C1orf167: variants seen among roughly 807,000 people sequenced by gnomAD.
C1orf167 encodes the protein uncharacterized protein C1orf167.
Under a neutral mutation model 176.5 loss-of-function variants are expected in C1orf167, and 153 were observed. The ratio of observed to expected loss-of-function variants is 0.87; its 90% CI spans 0.76 to 0.99. The LOEUF (loss-of-function observed/expected upper bound fraction) is 0.99, where lower values mean the gene tolerates loss of function less well. C1orf167 is among the 50% of genes least tolerant of loss of function. The pLI is 0.00. For synonymous variants in C1orf167, 594 were observed against 752.7 expected (o/e 0.79, Z 3.45); for missense variants, 1,490 against 1,817.7 (o/e 0.82, Z 3.28).
intron 16 of C1orf167, chr1:11,786,015 G>A (rs1557745872): frequency 7.0e-6 from 1 of 142,732 alleles, no homozygotes; most frequent in Non-Finnish European, 1.5e-5. Context: ...TTACAGGTGT[G>A]AGCCACCGCG....
Position 11,771,648 on chromosome 1 carries a change from G to T in C1orf167, c.1810+12G>T. 1 of 1,288,532 alleles carries T rather than the reference G, an allele frequency of 7.8e-7. No individual in the cohort carries two copies. The highest frequency in any genetic ancestry group is 1.0e-6 in the Non-Finnish European group (1 of 987,722). 79.8% of individuals were successfully genotyped at this position (1,288,532 alleles called of 1,614,324 possible). ...CCTGCAACTGGCTGGTGAGACGTGG[G>T]GTGCTGGGAAAGCGGGGAGATGGAG... On this transcript the variant is annotated intron_variant, in intron 7 of 20. Transcript: ENST00000688073.
At chr1:11,788,896 C>T (rs1643990657) in intron 20 of C1orf167, 150 bp downstream of exon 20, 2 of 521,038 alleles carry the variant, frequency 3.8e-6, no homozygotes, top group South Asian at 3.6e-5. Flanking sequence ...AGTTCCATTA[C>T]AGAACACACA....
intron 20 of C1orf167, 62 bp downstream of exon 20, chr1:11,788,808 T>C: frequency 5.5e-6 from 7 of 1,283,508 alleles, no homozygotes; most frequent in Non-Finnish European, 7.2e-6. Flanking sequence ...CTTCCAGAAG[T>C]CTGTGCCACA....
rs753706728 is a variant in C1orf167 at position 11,787,485 on chromosome 1, G to C, written c.3665G>C (p.Trp1222Ser). ...CGGAGGAAGCCAAGGGGAACGGCCT[G>C]GGCTCAGAGTAAGGAGACCTTGCCC... is the stretch of plus-strand genomic sequence containing the variant. ...GGRRKPRGTAWAQRCREHSLC... is the reference protein window; with the variant it reads ...GGRRKPRGTASAQRCREHSLC... Residue 1222 changes from tryptophan to serine, a missense_variant, in exon 17 of 21, where the codon TGG (tryptophan) becomes TCG (serine). Trp to Ser is a radical substitution (Grantham distance 177, BLOSUM62 -3). Transcript: ENST00000688073. 1 of 1,302,146 alleles carries C rather than the reference G, an allele frequency of 7.7e-7. No individual in the cohort carries two copies. The highest frequency in any genetic ancestry group is 1.0e-6 in the Non-Finnish European group (1 of 988,334). The allele number at this position is 1,302,146 out of a possible 1,614,324, so 80.7% of individuals were successfully genotyped here.
rs1320271516 is a variant in C1orf167 at position 11,771,560 on chromosome 1, G to T, written c.1734G>T (p.Arg578=). ...GSLREEEIAQ[R]LLSHPRQRTD... ...TGAGGGAGGAGGAGATTGCTCAGCG[G>T]CTTCTGTCACATCCTAGGCAGAGAA... Residue 578 remains arginine (R), a synonymous_variant, in exon 7 of 21, where the codon CGG becomes CGT. Coordinates refer to ENST00000688073, the MANE Select transcript of C1orf167 (RefSeq NM_001010881.2). 2.3e-6 allele frequency: 3 copies of T among 1,289,746 alleles called. No individual in the cohort carries two copies. In the South Asian group the frequency reaches 3.7e-5, roughly 16 times the overall value. The allele number at this position is 1,289,746 out of a possible 1,614,324, so 79.9% of individuals were successfully genotyped here.
rs1643326123 is a variant in C1orf167 at position 11,776,569 on chromosome 1, G to A, written c.2270G>A (p.Cys757Tyr). The change falls in exon 10 of 21, where the codon TGC becomes TAC. Residue 757 changes from cysteine to tyrosine, a missense_variant. Cys to Tyr is a radical substitution (Grantham distance 194). Coordinates refer to ENST00000688073, the MANE Select transcript of C1orf167 (RefSeq NM_001010881.2). The stretch of plus-strand genomic sequence containing the variant: ...GGCCGGGGCTCCCTGCAGGATGCCT[G>A]CTGGACACTGGCCCTCTGCTGGGCG... ...EQGRGSLQDA[C>Y]WTLALCWALL... is the part of the protein sequence containing the mutation. 1 of 1,260,498 alleles carries A rather than the reference G, an allele frequency of 7.9e-7. No homozygotes were observed. Among genetic ancestry groups the A allele is most frequent in the Non-Finnish European group, 1.0e-6 (1 of 968,894 alleles). 78.1% of individuals were successfully genotyped at this position (1,260,498 alleles called of 1,614,324 possible). A position where few individuals can be genotyped will look rare whatever the true frequency, so the allele number is the denominator to read the frequency against.
At chr1:11,770,191 A>AT (rs963877728) in intron 6 of C1orf167, among the ~76,000 whole-genome samples, 2 of 131,596 alleles carry the variant, frequency 1.5e-5, no homozygotes, top group African/African-American at 5.6e-5. Flanking sequence ...TATCCAAAAT[A>AT]TTTTTCCCAA....
At position 11,784,198 on chromosome 1, in the gene C1orf167, T is replaced by G. The variant is rs1174339761; in HGVS notation, c.3030T>G (p.Val1010=). Residue 1010 remains valine, a synonymous_variant, in exon 15 of 21, where the codon GTT becomes GTG. Coordinates refer to ENST00000688073, the MANE Select transcript of C1orf167 (RefSeq NM_001010881.2). ...GCTACTTCCAGGCCTGGTGTGAGGT[T>G]GTAAGAGACACGGGGGTGCTCCGGG... The part of the protein sequence containing the change: ...LQSYFQAWCE[V]VRDTGVLRAQ... The G allele has an allele frequency of 1.0e-5, 13 of 1,254,656 alleles. No homozygotes were observed. Among genetic ancestry groups the G allele is most frequent in the African/African-American group, 1.5e-5 (1 of 64,732 alleles). 77.7% of individuals were successfully genotyped at this position (1,254,656 alleles called of 1,614,324 possible). A position where few individuals can be genotyped will look rare whatever the true frequency, so the allele number is the denominator to read the frequency against.
chr1:11,766,888 A>C lies in C1orf167; in HGVS notation c.1102A>C (p.Arg368=). The change falls in exon 3 of 21, where the codon AGG becomes CGG. Residue 368 remains arginine, a synonymous_variant. Coordinates refer to ENST00000688073, the MANE Select transcript of C1orf167 (RefSeq NM_001010881.2). The surrounding 1 kb of genome is among the most constrained non-coding windows in gnomAD (Gnocchi z 4.5). ...SPWSQDGRAQ[R]GDPSLPRGVG... ...CTGGTCTCAAGATGGCAGGGCACAG[A>C]GGGGTGACCCCAGTCTCCCTCGAGG... 1 of 1,257,914 alleles carries C rather than the reference A, an allele frequency of 7.9e-7. No individual in the cohort carries two copies. Among genetic ancestry groups the C allele is most frequent in the African/African-American group, 1.5e-5 (1 of 65,190 alleles). The allele number at this position is 1,257,914 out of a possible 1,614,324, so 77.9% of individuals were successfully genotyped here.
chr1:11,765,068 A>AAG (rs1642722866), intron 2 of C1orf167, among the ~76,000 whole-genome samples: 2 of 150,656 alleles, frequency 1.3e-5, no homozygotes, highest in South Asian at 2.1e-4. Context: ...AAAAAAAAAA[A>AAG]AAAAAAAAAG....
At position 11,784,455 on chromosome 1, in the gene C1orf167, A is replaced by T. The variant is rs1390041277; in HGVS notation, c.3287A>T (p.His1096Leu). 7.7e-7 allele frequency: 1 copy of T among 1,303,438 alleles called. No individual in the cohort carries two copies. Among genetic ancestry groups the T allele is most frequent in the Admixed American group, 2.3e-5 (1 of 43,574 alleles). The allele number at this position is 1,303,438 out of a possible 1,614,324, so 80.7% of individuals were successfully genotyped here. Residue 1096 changes from histidine to leucine, a missense_variant, in exon 15 of 21, where the codon CAT (histidine) becomes CTT (leucine). His to Leu is a moderately conservative substitution (Grantham distance 99). Transcript: ENST00000688073. ...TGGCCAGTGGCCCCGGGCATGCACC[A>T]TGAGGCCCAGCAGCAGGCAGGAGAG... ...PAWPVAPGMH[H>L]EAQQQAGESA...
Position 11,788,627 on chromosome 1 carries a change from C to T in C1orf167, c.4079-25C>T, listed in dbSNP as rs143100671. The T allele has an allele frequency of 2.5e-3, 3,278 of 1,301,370 alleles. 16 individuals are homozygous for T. The highest frequency in any genetic ancestry group is 7.8e-3 in the South Asian group (629 of 80,984). The allele number at this position is 1,301,370 out of a possible 1,614,324, so 80.6% of individuals were successfully genotyped here. A position where few individuals can be genotyped will look rare whatever the true frequency, so the allele number is the denominator to read the frequency against. On this transcript the variant is annotated intron_variant, in intron 19 of 20. Coordinates refer to ENST00000688073, the MANE Select transcript of C1orf167 (RefSeq NM_001010881.2). ...TGCGGGGGAGCGTGAGCACAAGAGG[C>T]CTTCTCTGCCAACTGTCCCCAAAGC...
intron 17 of C1orf167, 32 bp from the exon 18 acceptor site, chr1:11,787,841 T>G: frequency 8.3e-7 from 1 of 1,201,308 alleles, no homozygotes; most frequent in Non-Finnish European, 1.1e-6. Context: ...TGGACCCACC[T>G]TAACCTCTTG....
intron 15 of C1orf167, 84 bp downstream of exon 15, chr1:11,784,677 T>C: frequency 8.5e-7 from 1 of 1,176,914 alleles, no homozygotes; most frequent in African/African-American, 1.6e-5. Flanking sequence ...TAGAGCGTAA[T>C]TCATGGCTGG....
intron 20 of C1orf167, 90 bp from the exon 21 acceptor site, chr1:11,789,180 G>A: frequency 2.5e-6 from 3 of 1,201,578 alleles, no homozygotes; most frequent in Middle Eastern, 7.2e-4. Context: ...GGGACAAAAG[G>A]AGCTGGGTAC....
intron 15 of C1orf167, 29 bp downstream of exon 15, chr1:11,784,622 A>G (rs1172094357): frequency 1.7e-6 from 2 of 1,208,234 alleles, no homozygotes; most frequent in African/African-American, 1.6e-5. Context: ...GTGCAGCCCC[A>G]CTCTGTGCTT....
rs1358476493 is a variant in C1orf167 at position 11,766,240 on chromosome 1, C to T, written c.454C>T (p.Pro152Ser). ...TGGGCCCCACAAGCTTCCCTGGGGT[C>T]CTCTCCTATCCCAAGAGCCACTGGC... The part of the protein sequence containing the change: ...SSGPHKLPWG[P>S]LLSQEPLARP... Residue 152 changes from proline (P) to serine (S), a missense_variant, in exon 3 of 21, where the codon CCT (proline) becomes TCT (serine). By Grantham distance (74) the Pro-to-Ser change is moderately conservative. Coordinates refer to ENST00000688073, the MANE Select transcript of C1orf167 (RefSeq NM_001010881.2). The surrounding 1 kb of genome is among the most constrained non-coding windows in gnomAD (Gnocchi z 4.5). 1 of 1,289,794 alleles carries T rather than the reference C, an allele frequency of 7.8e-7. No homozygotes were observed. Among genetic ancestry groups the T allele is most frequent in the Non-Finnish European group, 1.0e-6 (1 of 988,850 alleles). 79.9% of individuals were successfully genotyped at this position (1,289,794 alleles called of 1,614,324 possible).
In C1orf167 at chr1:11,767,078, C is replaced by T. The variant is rs751135686; in HGVS notation, c.1292C>T (p.Ala431Val). Reference protein sequence around the residue: ...HLSDTVPASSASKNKAQNITA... With the variant: ...HLSDTVPASSVSKNKAQNITA... ...TCAGACACAGTCCCAGCGAGCAGTG[C>T]GTCGAAGGTAGAGGCCCGGGGAGGC... The change falls in exon 3 of 21, where the codon GCG (alanine) becomes GTG (valine). Residue 431 changes from alanine (A) to valine (V), a missense_variant. Transcript: ENST00000688073. 39 of 1,236,698 alleles carry T rather than the reference C, an allele frequency of 3.2e-5. No individual in the cohort carries two copies. The highest frequency in any genetic ancestry group is 3.7e-5 in the Non-Finnish European group (36 of 960,530). The allele number at this position is 1,236,698 out of a possible 1,614,324, so 76.6% of individuals were successfully genotyped here. A position where few individuals can be genotyped will look rare whatever the true frequency, so the allele number is the denominator to read the frequency against.
rs913408936 is a variant in C1orf167, at chr1:11,779,920, C to T, written c.2770C>T (p.Leu924=). The T allele has an allele frequency of 7.7e-7, 1 of 1,302,490 alleles. No individual in the cohort carries two copies. Among genetic ancestry groups the T allele is most frequent in the South Asian group, 1.2e-5 (1 of 80,908 alleles). The allele number at this position is 1,302,490 out of a possible 1,614,324, so 80.7% of individuals were successfully genotyped here. A position where few individuals can be genotyped will look rare whatever the true frequency, so the allele number is the denominator to read the frequency against. The change falls in exon 13 of 21, where the codon CTG becomes TTG. Residue 924 remains leucine (L), a synonymous_variant. Transcript: ENST00000688073. ...GCTGGGCCTGTGGCGTCAGCGGCTGCTGCAGTCACGGCTGGTGGAGTGGTG... is the reference window on the plus strand; with the variant it reads ...GCTGGGCCTGTGGCGTCAGCGGCTGTTGCAGTCACGGCTGGTGGAGTGGTG... ...AVLGLWRQRL[L]QSRLVEWWAQ... is the part of the protein sequence containing the mutation.
Sources: allele counts gnomAD v4.1 joint callset (sites outside exome capture counted in the v4.1 genomes callset), GRCh38; gene constraint gnomAD v4.1.1; non-coding constraint Gnocchi (gnomAD v3.1); transcripts MANE v1.5; gene names NCBI Gene and HGNC (gene_info 2026-07-23, HGNC 2026-07-21).